PANK2: variants seen among roughly 807,000 people sequenced by gnomAD.
PANK2 encodes the protein pantothenate kinase 2, mitochondrial.
PANK2 carries 36 observed loss-of-function variants against 43.1 expected under a neutral mutation model. The ratio of observed to expected loss-of-function variants is 0.84; its 90% CI spans 0.64 to 1.10. The LOEUF is 1.10. PANK2 is among the 50% of genes least tolerant of loss of function. PANK2 has a pLI of 0.00. For missense variants in PANK2, 576 were observed against 593.3 expected, an observed-to-expected ratio of 0.97 and a Z score of 0.30; for synonymous variants, 281 against 238.2, an observed-to-expected ratio of 1.18 and a Z score of -1.66.
intron 1 of PANK2, among the ~76,000 whole-genome samples, chr20:3,902,998 C>G (rs2090326866): frequency 6.6e-6 from 1 of 151,158 alleles, no homozygotes; most frequent in South Asian, 2.1e-4. Flanking sequence ...CACACACACA[C>G]ACACACACAC....
At position 3,928,809 on chromosome 20, in the gene PANK2, A is replaced by ATT. The variant is rs1315761308; in HGVS notation, c.*5515_*5516insTT. The ATT allele has an allele frequency of 2.7e-5, 4 of 150,230 alleles. No individual in the cohort carries two copies. Among genetic ancestry groups the ATT allele is most frequent in the Non-Finnish European group, 5.9e-5 (4 of 67,572 alleles). 9.3% of individuals were successfully genotyped at this position (150,230 alleles called of 1,614,324 possible). A position where few individuals can be genotyped will look rare whatever the true frequency, so the allele number is the denominator to read the frequency against. On this transcript the variant is annotated 3_prime_UTR_variant, in exon 7 of 7. Transcript: ENST00000610179. ...TGGGGTAATTTCTGTTGTCAAATGG[A>ATT]AAACAAGGCATAAAGGGAAAATTCT...
chr20:3,896,717 C>A (rs915861869), intron 1 of PANK2, among the ~76,000 whole-genome samples: 7 of 152,140 alleles, frequency 4.6e-5, no homozygotes, highest in African/African-American at 1.7e-4. Context: ...TGGAGAGCTT[C>A]TGGATGGCCA....
chr20:3,922,047 A>G (rs1331333050), intron 6 of PANK2, among the ~76,000 whole-genome samples: 2 of 152,180 alleles, frequency 1.3e-5, no homozygotes, highest in Non-Finnish European at 2.9e-5. Context: ...AGAGTGTGAC[A>G]AGAAAGCCTT....
rs376425803 is a variant in PANK2, at chr20:3,900,086, C to A, written c.299-7840C>A. 1.3e-5 allele frequency among the ~76,000 whole-genome samples: 2 copies of A among 151,600 alleles called. 1 individual carries two copies. Among genetic ancestry groups the A allele is most frequent in the East Asian group, 3.9e-4 (2 of 5,192 alleles). ...TTTTTTGTTTGTGTTGTTTGGTCTGCTAGTATTGTATCTGCTTGCTGTTAA... is the reference window on the plus strand; with the variant it reads ...TTTTTTGTTTGTGTTGTTTGGTCTGATAGTATTGTATCTGCTTGCTGTTAA... On this transcript the variant is annotated intron_variant, in intron 1 of 6. Coordinates refer to ENST00000610179, the MANE Select transcript of PANK2 (RefSeq NM_001386393.1).
intron 1 of PANK2, 35 bp from the exon 2 acceptor site, chr20:3,907,891 A>G (rs1568569264): frequency 6.3e-7 from 1 of 1,587,288 alleles, no homozygotes. Flanking sequence ...TTTTCAGAAA[A>G]AAGCTGTTCT....
intron 1 of PANK2, among the ~76,000 whole-genome samples, chr20:3,892,953 T>C (rs2090148189): frequency 6.6e-6 from 1 of 151,560 alleles, no homozygotes; most frequent in African/African-American, 2.4e-5. Context: ...GGGAGGGGGG[T>C]ATGTCTCGCA....
rs2090699917 is a variant in PANK2, at chr20:3,924,988, G to C, written c.*1694G>C. The C allele has an allele frequency of 1.3e-5, 2 of 152,510 alleles. No individual in the cohort carries two copies. The highest frequency in any genetic ancestry group is 4.1e-4 in the South Asian group (2 of 4,842). The allele number at this position is 152,510 out of a possible 1,614,324, so 9.4% of individuals were successfully genotyped here. A position where few individuals can be genotyped will look rare whatever the true frequency, so the allele number is the denominator to read the frequency against. ...CGACGTGGGTCACCATGCAGCCCTTGCTGTTCCCACAATTTAACAGAAAAG... is the reference window on the plus strand; with the variant it reads ...CGACGTGGGTCACCATGCAGCCCTTCCTGTTCCCACAATTTAACAGAAAAG... On this transcript the variant is annotated 3_prime_UTR_variant, in exon 7 of 7. Transcript: ENST00000610179.
chr20:3,890,000 C>T, intron 1 of PANK2: 1 of 1,297,894 alleles, frequency 7.7e-7, no homozygotes, highest in Non-Finnish European at 1.0e-6. Context: ...TTCTTAGCTC[C>T]TTGGGCATTC....
chr20:3,903,444 G>A (rs567268595), intron 1 of PANK2, among the ~76,000 whole-genome samples: 13 of 150,004 alleles, frequency 8.7e-5, no homozygotes, highest in East Asian at 7.8e-4. Flanking sequence ...CACGACGCCC[G>A]GCTTTTTTTT....
At chr20:3,893,461 C>CAAG (rs1257293337) in intron 1 of PANK2, among the ~76,000 whole-genome samples, 2 of 152,088 alleles carry the variant, frequency 1.3e-5, no homozygotes, top group Non-Finnish European at 2.9e-5. Context: ...ACTCATGTAA[C>CAAG]AAGAGAACAT....
chr20:3,889,782 ACCCTGTCC>A, intron 1 of PANK2, 54 bp downstream of exon 1: 1 of 822,912 alleles, frequency 1.2e-6, no homozygotes, highest in Non-Finnish European at 1.7e-6. Flanking sequence ...CTTCCGGCCC[ACCCTGTCC>A]CCTTCCGGCC....
chr20:3,890,726 C>T (rs892581467), intron 1 of PANK2, among the ~76,000 whole-genome samples: 1 of 152,208 alleles, frequency 6.6e-6, no homozygotes, highest in Non-Finnish European at 1.5e-5. Context: ...TCTACCTTAG[C>T]CCAGTCACCC....
At chr20:3,890,714 C>T (rs2090109648) in intron 1 of PANK2, among the ~76,000 whole-genome samples, 1 of 152,152 alleles carries the variant, frequency 6.6e-6, no homozygotes, top group African/African-American at 2.4e-5. Flanking sequence ...ATTGAATAGT[C>T]TTCTACCTTA....
intron 1 of PANK2, among the ~76,000 whole-genome samples, chr20:3,893,994 C>A (rs1245236936): frequency 7.3e-6 from 1 of 136,652 alleles, no homozygotes; most frequent in African/African-American, 2.8e-5. Context: ...TGCAGTGGTG[C>A]AATCTTGGCT....
chr20:3,911,609 G>C (rs566377727), intron 3 of PANK2, among the ~76,000 whole-genome samples: 2 of 148,560 alleles, frequency 1.3e-5, no homozygotes, highest in African/African-American at 5.0e-5. Flanking sequence ...GAGAGTATTA[G>C]GGCCAGGCAC....
intron 1 of PANK2, among the ~76,000 whole-genome samples, chr20:3,900,049 C>T (rs1487626913): frequency 6.6e-6 from 1 of 151,404 alleles, no homozygotes; most frequent in East Asian, 1.9e-4. Flanking sequence ...TTTTTTTGTC[C>T]CTTCTTAATG....
chr20:3,912,371 A>G, intron 3 of PANK2, 87 bp from the exon 4 acceptor site: 1 of 1,424,534 alleles, frequency 7.0e-7, no homozygotes, highest in Middle Eastern at 1.9e-4. Context: ...TGGATATGTG[A>G]ATATGGTTTT....
intron 1 of PANK2, among the ~76,000 whole-genome samples, chr20:3,904,371 A>T (rs1484597230): frequency 6.6e-6 from 1 of 151,998 alleles, no homozygotes; most frequent in Non-Finnish European, 1.5e-5. Context: ...GCTGGAGGCC[A>T]GGAGTTGGAG....
At position 3,925,917 on chromosome 20, in the gene PANK2, T is replaced by C. The variant is rs2090713657; in HGVS notation, c.*2623T>C. On this transcript the variant is annotated 3_prime_UTR_variant, in exon 7 of 7. Transcript: ENST00000610179. Reference sequence around the variant, plus strand: ...TGTGAGGTGCCCATAAACTCTGCTGTTACCATTGCCACTTCCCTGTCTTAG... The same window carrying C: ...TGTGAGGTGCCCATAAACTCTGCTGCTACCATTGCCACTTCCCTGTCTTAG... 6.6e-6 allele frequency: 1 copy of C among 152,432 alleles called. No homozygotes were observed. Among genetic ancestry groups the C allele is most frequent in the South Asian group, 2.1e-4 (1 of 4,836 alleles). The allele number at this position is 152,432 out of a possible 1,614,324, so 9.4% of individuals were successfully genotyped here.
Sources: gnomAD v4.1 joint callset for allele counts (sites outside exome capture counted in the v4.1 genomes callset) on GRCh38, gnomAD v4.1.1 for gene constraint, MANE v1.5 for transcripts, NCBI Gene and HGNC (gene_info 2026-07-23, HGNC 2026-07-21) for gene names.